HMOX2: variants seen among roughly 807,000 people sequenced by gnomAD.
HMOX2 encodes the protein heme oxygenase 2.
HMOX2 carries 30 observed loss-of-function variants against 33.7 expected under a neutral mutation model. The ratio of observed to expected loss-of-function variants is 0.89; its 90% CI spans 0.67 to 1.21. The LOEUF (loss-of-function observed/expected upper bound fraction) is 1.21. Among genes scored for constraint, HMOX2 ranks in the 50% most tolerant of loss-of-function variants. The probability of loss-of-function intolerance (pLI) is 0.00; values close to 1 mark genes in which losing one functional copy is unlikely to be tolerated. For synonymous variants in HMOX2, 155 were observed against 155.0 expected (o/e 1.00, Z 0.00); for missense variants, 403 against 399.1 (o/e 1.01, Z -0.08).
Position 4,509,669 on chromosome 16 carries a change from G to A in HMOX2, c.864G>A (p.Met288Ile). The change falls in exon 6 of 6, where the codon ATG becomes ATA. Residue 288 changes from methionine to isoleucine, a missense_variant. Transcript: ENST00000570646. ...GCAGCTGTCCCTTCCGAACAGCTATGGCTGTGCTGAGGAAGCCCAGCCTCC... is the reference window on the plus strand; with the variant it reads ...GCAGCTGTCCCTTCCGAACAGCTATAGCTGTGCTGAGGAAGCCCAGCCTCC... ...EGSSCPFRTA[M>I]AVLRKPSLQF... 1 of 1,614,092 alleles carries A rather than the reference G, an allele frequency of 6.2e-7. No homozygotes were observed. Among genetic ancestry groups the A allele is most frequent in the Non-Finnish European group, 8.5e-7 (1 of 1,179,986 alleles).
chr16:4,477,875 C>T (rs563619085), intron 1 of HMOX2, among the ~76,000 whole-genome samples: 2 of 152,164 alleles, frequency 1.3e-5, no homozygotes, highest in South Asian at 2.1e-4. Context: ...GAGCTGAGAT[C>T]GCATCACTGC....
rs563794300 is a variant in HMOX2 at position 4,496,938 on chromosome 16, C to G, written c.-41-8546C>G. 8.6e-5 allele frequency among the ~76,000 whole-genome samples: 13 copies of G among 151,522 alleles called. No individual in the cohort carries two copies. In the East Asian group the frequency reaches 1.4e-3, roughly 16 times the overall value. Reference sequence around the variant, plus strand: ...TCTCAAACTCCTGGACTCAAGTGATCCTTCAGCCTCGGCCTCCCAAAGTAC... The same window carrying G: ...TCTCAAACTCCTGGACTCAAGTGATGCTTCAGCCTCGGCCTCCCAAAGTAC... On this transcript the variant is annotated intron_variant, in intron 1 of 5. Coordinates refer to ENST00000570646, the MANE Select transcript of HMOX2 (RefSeq NM_002134.4).
chr16:4,503,101 C>T (rs1194629604), intron 1 of HMOX2: 1 of 151,916 alleles, frequency 6.6e-6, no homozygotes, highest in Non-Finnish European at 1.5e-5. Flanking sequence ...AGGCGTGAGC[C>T]ACCGCGCCCG....
At chr16:4,500,027 G>C (rs765026305) in intron 1 of HMOX2, among the ~76,000 whole-genome samples, 20 of 152,180 alleles carry the variant, frequency 1.3e-4, no homozygotes, top group Non-Finnish European at 2.8e-4. Context: ...CTGTAACTCA[G>C]GTTGGATGCT....
At chr16:4,498,901 G>T (rs962137865) in intron 1 of HMOX2, among the ~76,000 whole-genome samples, 1 of 152,280 alleles carries the variant, frequency 6.6e-6, no homozygotes, top group East Asian at 1.9e-4. Flanking sequence ...CTGTTATCTC[G>T]TGCCTTGTTG....
chr16:4,509,721 C>G lies in HMOX2; in HGVS notation c.916C>G (p.Leu306Val), dbSNP rs1258013260. The G allele has an allele frequency of 6.2e-7, 1 of 1,613,718 alleles. No individual in the cohort carries two copies. Among genetic ancestry groups the G allele is most frequent in the Non-Finnish European group, 8.5e-7 (1 of 1,179,980 alleles). ...LQFILAAGVA[L>V]AAGLLAWYYM Reference sequence around the variant, plus strand: ...GTTCATCCTGGCCGCTGGTGTGGCCCTAGCTGCTGGACTCTTGGCCTGGTA... The same window carrying G: ...GTTCATCCTGGCCGCTGGTGTGGCCGTAGCTGCTGGACTCTTGGCCTGGTA... The change falls in exon 6 of 6, where the codon CTA (leucine) becomes GTA (valine). Residue 306 changes from leucine to valine, a missense_variant. Leu to Val is a conservative substitution (Grantham distance 32). Coordinates refer to ENST00000570646, the MANE Select transcript of HMOX2 (RefSeq NM_002134.4).
At chr16:4,502,045 C>T (rs1241411507) in intron 1 of HMOX2, among the ~76,000 whole-genome samples, 2 of 152,144 alleles carry the variant, frequency 1.3e-5, no homozygotes, top group East Asian at 1.9e-4. Flanking sequence ...AATTTGAAGT[C>T]GTGGACAGCA....
chr16:4,479,958 CCTA>C (rs2141507262), intron 1 of HMOX2, among the ~76,000 whole-genome samples: 1 of 151,810 alleles, frequency 6.6e-6, no homozygotes, highest in East Asian at 1.9e-4. Flanking sequence ...GGGCTGGTCT[CCTA>C]CTCCTGACCT....
chr16:4,478,570 G>C (rs773760929), intron 1 of HMOX2, among the ~76,000 whole-genome samples: 17 of 151,790 alleles, frequency 1.1e-4, no homozygotes, highest in Non-Finnish European at 1.8e-4. Flanking sequence ...GACCAACATG[G>C]AAAAACCCCA....
rs758223770 is a variant in HMOX2 at position 4,509,543 on chromosome 16, G to A, written c.823+5G>A. On this transcript the variant is annotated splice_donor_5th_base_variant and intron_variant, in intron 5 of 5. Transcript: ENST00000570646. ...ACGCTGCTGAACAAGACAAAGGTAG[G>A]TCTGTGTGTCCTGAGCTCCCCTCCT... The A allele has an allele frequency of 6.2e-7, 1 of 1,614,160 alleles. No homozygotes were observed.
At chr16:4,480,187 A>G (rs537281809) in intron 1 of HMOX2, among the ~76,000 whole-genome samples, 1 of 151,272 alleles carries the variant, frequency 6.6e-6, no homozygotes, top group Non-Finnish European at 1.5e-5. Flanking sequence ...AACTGGGACT[A>G]CAGGCATGCA....
chr16:4,500,334 G>A (rs1002944812), intron 1 of HMOX2, among the ~76,000 whole-genome samples: 2 of 152,218 alleles, frequency 1.3e-5, no homozygotes, highest in African/African-American at 4.8e-5. Flanking sequence ...GAGTCCCAGT[G>A]CAGAAGTCTC....
At chr16:4,500,245 C>G (rs181534734) in intron 1 of HMOX2, among the ~76,000 whole-genome samples, 334 of 152,294 alleles carry the variant, frequency 2.2e-3, no homozygotes, top group African/African-American at 7.7e-3. Context: ...AGGAAGCAGG[C>G]AGGGGACCCC....
At position 4,509,835 on chromosome 16, in the gene HMOX2, C is replaced by T. The variant is rs905883701; in HGVS notation, c.*79C>T. 1.1e-5 allele frequency: 16 copies of T among 1,478,192 alleles called. No homozygotes were observed. The highest frequency in any genetic ancestry group is 2.8e-5 in the African/African-American group (2 of 71,216). 91.6% of individuals were successfully genotyped at this position (1,478,192 alleles called of 1,614,324 possible). ...CCTTTCTCCAGCCCTGACTAAACTA[C>T]CACCTCAGGTGACTTTTTAAAAAAT... On this transcript the variant is annotated 3_prime_UTR_variant, in exon 6 of 6. Coordinates refer to ENST00000570646, the MANE Select transcript of HMOX2 (RefSeq NM_002134.4).
chr16:4,507,042 T>C, intron 3 of HMOX2, 30 bp downstream of exon 3: 3 of 1,429,864 alleles, frequency 2.1e-6, no homozygotes, highest in Non-Finnish European at 3.0e-6. Flanking sequence ...TTCCAGACTG[T>C]CATATGGGGT....
intron 1 of HMOX2, among the ~76,000 whole-genome samples, chr16:4,482,625 G>A (rs939752743): frequency 2.0e-5 from 3 of 152,176 alleles, no homozygotes; most frequent in African/African-American, 4.8e-5. Context: ...GCTATAAATC[G>A]AAAGTTCTGA....
intron 1 of HMOX2, among the ~76,000 whole-genome samples, chr16:4,486,897 C>T (rs779929597): frequency 9.2e-5 from 14 of 152,216 alleles, no homozygotes; most frequent in Admixed American, 4.6e-4. Context: ...CTCTTTCCCT[C>T]CTCATTTTAA....
At chr16:4,491,133 G>A (rs2058295769) in intron 1 of HMOX2, among the ~76,000 whole-genome samples, 1 of 152,222 alleles carries the variant, frequency 6.6e-6, no homozygotes, top group African/African-American at 2.4e-5. Context: ...TGGTTGTCAT[G>A]TGATAAAAAT....
intron 1 of HMOX2, among the ~76,000 whole-genome samples, chr16:4,483,965 G>GCC (rs1378934342): frequency 7.4e-6 from 1 of 134,298 alleles, no homozygotes; most frequent in African/African-American, 2.8e-5. Context: ...CCGTGCATAT[G>GCC]CCCAAAAATT....
Sources: allele counts gnomAD v4.1 joint callset (sites outside exome capture counted in the v4.1 genomes callset), GRCh38; gene constraint gnomAD v4.1.1; transcripts MANE v1.5; gene names NCBI Gene and HGNC (gene_info 2026-07-23, HGNC 2026-07-21).